The following LDLRAD4 variants were observed in gnomAD, a reference collection of about 807,000 sequenced individuals.
LDLRAD4 encodes low-density lipoprotein receptor class A domain-containing protein 4.
LDLRAD4 carries 5 observed loss-of-function variants against 17.0 expected under a neutral mutation model. That is an observed-to-expected ratio of 0.29 (90% CI 0.15 to 0.62). The LOEUF is 0.62. LDLRAD4 is among the 20% of genes least tolerant of loss of function. The pLI, the probability that LDLRAD4 is intolerant of heterozygous loss-of-function variation, is 0.84. For synonymous variants in LDLRAD4, 168 were observed against 171.8 expected, an observed-to-expected ratio of 0.98 and a Z score of 0.17; for missense variants, 340 against 424.7, an observed-to-expected ratio of 0.80 and a Z score of 1.75.
intron 1 of LDLRAD4, chr18:13,241,877 T>C (rs932650450): frequency 6.6e-6 from 1 of 152,272 alleles, no homozygotes; most frequent in Non-Finnish European, 1.5e-5. Context: ...GCATCTTACA[T>C]CTTTTACTGT....
At chr18:13,258,754 A>G (rs2043642021) in intron 1 of LDLRAD4, among the ~76,000 whole-genome samples, 1 of 152,212 alleles carries the variant, frequency 6.6e-6, no homozygotes, top group Admixed American at 6.5e-5. Flanking sequence ...TTCCTGGCTT[A>G]GTATGAAGTT....
chr18:13,419,944 G>A (rs545778340), intron 2 of LDLRAD4: 6 of 152,330 alleles, frequency 3.9e-5, no homozygotes, highest in Middle Eastern at 3.4e-3. Flanking sequence ...TATGGGTGAG[G>A]AGAGGACCTC....
intron 2 of LDLRAD4, among the ~76,000 whole-genome samples, chr18:13,419,265 G>A (rs759162773): frequency 1.1e-4 from 17 of 152,098 alleles, no homozygotes; most frequent in Non-Finnish European, 2.2e-4. Flanking sequence ...GTTAATTTTT[G>A]TGTCATTTTA....
chr18:13,231,097 A>C (rs924952978), intron 1 of LDLRAD4, among the ~76,000 whole-genome samples: 3 of 152,092 alleles, frequency 2.0e-5, no homozygotes, highest in African/African-American at 7.2e-5. Flanking sequence ...GGCTGCAGGG[A>C]TGAGTGAAGG....
chr18:13,225,651 T>A (rs983340758), intron 1 of LDLRAD4, among the ~76,000 whole-genome samples: 1 of 152,214 alleles, frequency 6.6e-6, no homozygotes, highest in Non-Finnish European at 1.5e-5. Flanking sequence ...TTTCTTTTCC[T>A]GATACATGTG....
intron 3 of LDLRAD4, among the ~76,000 whole-genome samples, chr18:13,449,039 CAGAG>C (rs2091620448): frequency 6.6e-6 from 1 of 152,100 alleles, no homozygotes; most frequent in Non-Finnish European, 1.5e-5. Flanking sequence ...GAGCTAATAA[CAGAG>C]GGAAAAGAAG....
chr18:13,588,704 T>C (rs1009729826), intron 3 of LDLRAD4, among the ~76,000 whole-genome samples: 8 of 152,278 alleles, frequency 5.3e-5, no homozygotes, highest in African/African-American at 1.7e-4. Context: ...GCCTCTGTGT[T>C]CTTAGGATTG....
chr18:13,416,040 A>G (rs1056927410), intron 2 of LDLRAD4, among the ~76,000 whole-genome samples: 3 of 152,196 alleles, frequency 2.0e-5, no homozygotes, highest in Non-Finnish European at 4.4e-5. Context: ...TGCAGGGCGC[A>G]GGGCTGAGGG....
chr18:13,424,400 GAAAC>G (rs2089754539), intron 2 of LDLRAD4, among the ~76,000 whole-genome samples: 1 of 152,172 alleles, frequency 6.6e-6, no homozygotes, highest in Non-Finnish European at 1.5e-5. Context: ...ACAAGTGAAA[GAAAC>G]AAAACTCAGC....
intron 3 of LDLRAD4, among the ~76,000 whole-genome samples, chr18:13,572,796 G>A (rs759040147): frequency 2.6e-5 from 4 of 152,224 alleles, no homozygotes; most frequent in African/African-American, 9.6e-5. Context: ...TTTTACGGGG[G>A]TTCCTCACAG....
At chr18:13,473,456 G>T (rs1179533891) in intron 3 of LDLRAD4, among the ~76,000 whole-genome samples, 2 of 151,734 alleles carry the variant, frequency 1.3e-5, no homozygotes, top group African/African-American at 4.8e-5. Flanking sequence ...GATAGCTTAA[G>T]GCCAGGAGTT....
chr18:13,523,593 G>T (rs768036196), intron 3 of LDLRAD4, among the ~76,000 whole-genome samples: 10 of 152,210 alleles, frequency 6.6e-5, no homozygotes, highest in Non-Finnish European at 1.3e-4. Context: ...CTGCTGGGCT[G>T]TGGTGGAACG....
At chr18:13,530,247 G>T in intron 3 of LDLRAD4, among the ~76,000 whole-genome samples, 1 of 152,214 alleles carries the variant, frequency 6.6e-6, no homozygotes, top group Admixed American at 6.5e-5. Flanking sequence ...TACAGCTGCA[G>T]ACTTTTAAAA....
chr18:13,492,355 G>A (rs1379792578), intron 3 of LDLRAD4, among the ~76,000 whole-genome samples: 7 of 152,304 alleles, frequency 4.6e-5, no homozygotes, highest in Admixed American at 1.3e-4. Context: ...TGCCTCTGCC[G>A]GAAGGGACGT....
In LDLRAD4 at chr18:13,555,304, A is replaced by G. The variant is rs1338705166; in HGVS notation, c.182-65813A>G. On this transcript the variant is annotated intron_variant, in intron 3 of 5. Transcript: ENST00000359446. ...TCAGCAAGAGGAAAGAATGTCATTC[A>G]GTGGAACCATTTAACCTCAGCACTA... Among the ~76,000 whole-genome samples the G allele has an allele frequency of 2.6e-5, 4 of 152,224 alleles. No individual in the cohort carries two copies. The East Asian group carries it at 7.7e-4, about 29-fold the overall frequency.
chr18:13,470,377 A>T (rs1169849025), intron 3 of LDLRAD4, among the ~76,000 whole-genome samples: 1 of 151,862 alleles, frequency 6.6e-6, no homozygotes, highest in African/African-American at 2.4e-5. Context: ...GTGTATAAGG[A>T]TGGTTAGAAA....
intron 1 of LDLRAD4, among the ~76,000 whole-genome samples, chr18:13,375,272 T>G (rs1453694602): frequency 6.6e-6 from 1 of 152,248 alleles, no homozygotes; most frequent in Admixed American, 6.5e-5. Context: ...AAAATATCCT[T>G]GAAAATGCCA....
At chr18:13,610,265 ATTTTTTTTTTTTTTTTTTTTTTTT>A (rs1157718015) in intron 3 of LDLRAD4, among the ~76,000 whole-genome samples, 3 of 62,480 alleles carry the variant, frequency 4.8e-5, no homozygotes, top group Non-Finnish European at 6.7e-5. Flanking sequence ...CAAAGCCCTA[ATTTTTTTTTTTTTTTTTTTTTTTT>A]TTTTTTTTTT....
chr18:13,621,051 A>G lies in LDLRAD4; in HGVS notation c.182-66A>G. On this transcript the variant is annotated intron_variant, in intron 3 of 5. Coordinates refer to ENST00000359446, the Ensembl canonical transcript of LDLRAD4. The surrounding 1 kb of genome is among the most constrained non-coding windows in gnomAD (Gnocchi z 5.5). ...AGGGCCTGATGGCTGGGGTGGTGAC[A>G]GTGCCTGGAGAATGGGTGGGGACTG... 6 of 1,610,080 alleles carry G rather than the reference A, an allele frequency of 3.7e-6. No homozygotes were observed. The highest frequency in any genetic ancestry group is 3.4e-6 in the Non-Finnish European group (4 of 1,177,186).
Sources: allele counts gnomAD v4.1 joint callset (sites outside exome capture counted in the v4.1 genomes callset), GRCh38; gene constraint gnomAD v4.1.1; non-coding constraint Gnocchi (gnomAD v3.1); transcripts MANE v1.5; gene names NCBI Gene and HGNC (gene_info 2026-07-23, HGNC 2026-07-21).